The following NEXMIF variants were observed in gnomAD, a reference collection of about 807,000 sequenced individuals.
The protein encoded by NEXMIF is neurite extension and migration factor.
In NEXMIF, 8 loss-of-function variants were observed where a neutral mutation model predicts 62.1. The observed-to-expected ratio is 0.13, with a 90% CI of 0.08 to 0.23. NEXMIF has a LOEUF of 0.23. Among genes scored for constraint, NEXMIF ranks in the 10% least tolerant of loss-of-function variants. The pLI is 1.00. For synonymous variants in NEXMIF, 404 were observed against 416.6 expected (o/e 0.97, Z 0.37); for missense variants, 976 against 1,113.3 (o/e 0.88, Z 1.75).
intron 1 of NEXMIF, among the ~76,000 whole-genome samples, chrX:74,893,550 T>C (rs1027759541): frequency 8.9e-6 from 1 of 112,174 alleles, no homozygotes; most frequent in Admixed American, 9.5e-5. Flanking sequence ...ATATTTAATC[T>C]TGTTTCCTCA....
At chrX:74,747,630 C>T (rs756545272) in intron 1 of NEXMIF, among the ~76,000 whole-genome samples, 1 of 103,382 alleles carries the variant, frequency 9.7e-6, no homozygotes, top group Non-Finnish European at 1.9e-5. Context: ...TAAGTATCAA[C>T]AATTATCCAA....
chrX:74,796,245 C>CATATATAATATATATAT, intron 1 of NEXMIF, among the ~76,000 whole-genome samples: 1 of 14,440 alleles, frequency 6.9e-5, no homozygotes, highest in African/African-American at 1.2e-4. Context: ...TATATATATA[C>CATATATAATATATATAT]ACATATATAT....
At chrX:74,878,943 C>T (rs764278650) in intron 1 of NEXMIF, among the ~76,000 whole-genome samples, 241 of 112,740 alleles carry the variant, frequency 2.1e-3, no homozygotes, top group Middle Eastern at 4.6e-3. Context: ...AGAAATCACC[C>T]GTCTTCTGCG....
In NEXMIF at chrX:74,881,232, C is replaced by T. The variant is rs138677687; in HGVS notation, c.-48+43651G>A. ...TTTTCAGGCATGTGTGCTGTACCTA[C>T]AACCTTTGGGGAGCCTGGTACCCCA... On this transcript the variant is annotated intron_variant, in intron 1 of 3. Coordinates refer to ENST00000055682, the MANE Select transcript of NEXMIF (RefSeq NM_001008537.3). Among the ~76,000 whole-genome samples, 314 of 111,389 alleles carry T rather than the reference C, an allele frequency of 2.8e-3. 2 individuals carry two copies. The highest frequency in any genetic ancestry group is 2.4e-3 in the Non-Finnish European group (127 of 53,148).
intron 1 of NEXMIF, among the ~76,000 whole-genome samples, chrX:74,754,232 G>C (rs1414197972): frequency 1.8e-5 from 2 of 110,678 alleles, no homozygotes; most frequent in Non-Finnish European, 3.8e-5. Flanking sequence ...AAAGTGCTGG[G>C]ATTACAGGCG....
rs2080094003 is a variant in NEXMIF at position 74,739,222 on chromosome X, T to C, written c.*183A>G. On this transcript the variant is annotated 3_prime_UTR_variant, in exon 4 of 4. Coordinates refer to ENST00000055682, the MANE Select transcript of NEXMIF (RefSeq NM_001008537.3). ...GGCACAATGTTTTCAATTTTTTCCT[T>C]GTGGGTAAATAGTGCATAAACTACT... 8.6e-6 allele frequency: 3 copies of C among 349,828 alleles called. No individual in the cohort carries two copies. Among genetic ancestry groups the C allele is most frequent in the Non-Finnish European group, 4.9e-6 (1 of 204,336 alleles). The allele number at this position is 349,828 out of a possible 1,213,427, so 28.8% of individuals were successfully genotyped here. A position where few individuals can be genotyped will look rare whatever the true frequency, so the allele number is the denominator to read the frequency against.
chrX:74,770,664 C>T (rs1335990586), intron 1 of NEXMIF, among the ~76,000 whole-genome samples: 1 of 111,528 alleles, frequency 9.0e-6, no homozygotes, highest in Non-Finnish European at 1.9e-5. Context: ...AGGATTATAG[C>T]CCAGATTTTC....
chrX:74,867,974 A>G (rs2080586263), intron 1 of NEXMIF, among the ~76,000 whole-genome samples: 1 of 112,238 alleles, frequency 8.9e-6, no homozygotes, highest in African/African-American at 3.2e-5. Flanking sequence ...GGCAAAGAAC[A>G]TGGACACTTC....
Position 74,820,649 on chromosome X carries a change from T to A in NEXMIF, c.-47-74952A>T, listed in dbSNP as rs146592181. On this transcript the variant is annotated intron_variant, in intron 1 of 3. Coordinates refer to ENST00000055682, the MANE Select transcript of NEXMIF (RefSeq NM_001008537.3). The stretch of plus-strand genomic sequence containing the variant: ...CTGGATAAAGAAACTGTGCTGTACA[T>A]CATGGAATACTATGCATCCATAAAA... Among the ~76,000 whole-genome samples the A allele has an allele frequency of 5.0e-4, 56 of 111,804 alleles. 1 individual carries two copies. In the East Asian group the frequency reaches 0.016, roughly 31 times the overall value.
chrX:74,794,784 C>G (rs1260159053), intron 1 of NEXMIF, among the ~76,000 whole-genome samples: 1 of 111,831 alleles, frequency 8.9e-6, no homozygotes, highest in Non-Finnish European at 1.9e-5. Context: ...AAAGGGAACT[C>G]CCTGACCCCT....
chrX:74,828,474 T>C (rs1484134969), intron 1 of NEXMIF, among the ~76,000 whole-genome samples: 2 of 111,947 alleles, frequency 1.8e-5, no homozygotes, highest in Non-Finnish European at 3.8e-5. Context: ...CTATCCAAGG[T>C]TTCAATAAGA....
chrX:74,865,594 C>A (rs904263259), intron 1 of NEXMIF, among the ~76,000 whole-genome samples: 1 of 111,986 alleles, frequency 8.9e-6, no homozygotes, highest in Non-Finnish European at 1.9e-5. Context: ...CATCTCCAGG[C>A]CATGTCAGAG....
At chrX:74,886,375 G>A (rs1205573400) in intron 1 of NEXMIF, among the ~76,000 whole-genome samples, 5 of 111,651 alleles carry the variant, frequency 4.5e-5, no homozygotes, top group Non-Finnish European at 7.5e-5. Context: ...GTTTGCAGAT[G>A]ACATGATTGC....
chrX:74,795,696 C>T (rs757286051), intron 1 of NEXMIF, among the ~76,000 whole-genome samples: 2 of 111,437 alleles, frequency 1.8e-5, no homozygotes, highest in Non-Finnish European at 3.8e-5. Context: ...CAAATGCAAA[C>T]ATCAACCAGA....
chrX:74,840,150 T>C (rs1413463193), intron 1 of NEXMIF, among the ~76,000 whole-genome samples: 2 of 112,241 alleles, frequency 1.8e-5, no homozygotes, highest in Non-Finnish European at 3.8e-5. Context: ...TTGATTTGCA[T>C]ATCTCTAATG....
intron 1 of NEXMIF, among the ~76,000 whole-genome samples, chrX:74,758,763 ATGG>A (rs2147448638): frequency 8.9e-6 from 1 of 112,032 alleles, no homozygotes; most frequent in African/African-American, 3.2e-5. Flanking sequence ...ATGGTATTCC[ATGG>A]TGTATATGTA....
At chrX:74,801,775 G>A (rs890537717) in intron 1 of NEXMIF, among the ~76,000 whole-genome samples, 2 of 112,475 alleles carry the variant, frequency 1.8e-5, no homozygotes, top group African/African-American at 6.5e-5. Flanking sequence ...CCCAATTACA[G>A]GCTCTGGCTC....
chrX:74,778,265 A>T (rs191110817), intron 1 of NEXMIF, among the ~76,000 whole-genome samples: 2 of 111,243 alleles, frequency 1.8e-5, no homozygotes, highest in East Asian at 5.7e-4. Flanking sequence ...ATTTTTCCCA[A>T]CCTAACTCAA....
rs943943823 is a variant in NEXMIF, at chrX:74,835,006, T to A, written c.-47-89309A>T. Among the ~76,000 whole-genome samples the A allele has an allele frequency of 3.6e-5, 4 of 111,958 alleles. No homozygotes were observed. The Admixed American group carries it at 3.8e-4, about 11-fold the overall frequency. On this transcript the variant is annotated intron_variant, in intron 1 of 3. Transcript: ENST00000055682. ...CTTCATTGTTTTTCATTCTTTTTTC[T>A]TTCGTCTACTGTGTATTGTCAAATA...
Sources: allele counts gnomAD v4.1 joint callset (sites outside exome capture counted in the v4.1 genomes callset), GRCh38; gene constraint gnomAD v4.1.1; transcripts MANE v1.5; gene names NCBI Gene and HGNC (gene_info 2026-07-23, HGNC 2026-07-21).